The following TMEM108 variants were observed in gnomAD, a reference collection of about 807,000 sequenced individuals.
TMEM108 encodes cancer/testis antigen 124.
A neutral mutation model predicts 35.1 loss-of-function variants in TMEM108; 12 were observed. The ratio of observed to expected loss-of-function variants is 0.34; its 90% CI spans 0.22 to 0.55. The LOEUF (loss-of-function observed/expected upper bound fraction) is 0.55. TMEM108 is among the 20% of genes least tolerant of loss of function. The probability of loss-of-function intolerance (pLI) is 0.89; values close to 1 mark genes in which losing one functional copy is unlikely to be tolerated. For synonymous variants in TMEM108, 287 were observed against 308.6 expected, an observed-to-expected ratio of 0.93 and a Z score of 0.73; for missense variants, 680 against 753.3, an observed-to-expected ratio of 0.90 and a Z score of 1.14.
chr3:133,264,777 G>A (rs749200606), intron 3 of TMEM108, among the ~76,000 whole-genome samples: 4 of 152,166 alleles, frequency 2.6e-5, no homozygotes, highest in Non-Finnish European at 5.9e-5. Context: ...CAGTGATGAA[G>A]TTACCTACCC....
At position 133,397,605 on chromosome 3, in the gene TMEM108, G is replaced by C. The variant is rs2073323855; in HGVS notation, c.*1619G>C. Reference sequence around the variant, plus strand: ...ACTGTTACATTTAATATACCAATGTGTGTAAGTATACAGAGAAAAATCTGT... The same window carrying C: ...ACTGTTACATTTAATATACCAATGTCTGTAAGTATACAGAGAAAAATCTGT... On this transcript the variant is annotated 3_prime_UTR_variant, in exon 6 of 6. Transcript: ENST00000321871. The C allele has an allele frequency of 6.6e-6, 1 of 152,090 alleles. No individual in the cohort carries two copies. Among genetic ancestry groups the C allele is most frequent in the African/African-American group, 2.4e-5 (1 of 41,406 alleles). 9.4% of individuals were successfully genotyped at this position (152,090 alleles called of 1,614,324 possible). A position where few individuals can be genotyped will look rare whatever the true frequency, so the allele number is the denominator to read the frequency against.
intron 2 of TMEM108, among the ~76,000 whole-genome samples, chr3:133,092,990 GT>G (rs11293731): frequency 0.3 from 41,616 of 137,474 alleles, 6,726 homozygotes; most frequent in Non-Finnish European, 0.41. Context: ...TGTAGGTAAA[GT>G]TTTTTTTTTT....
intron 2 of TMEM108, among the ~76,000 whole-genome samples, chr3:133,164,656 A>G (rs1010267875): frequency 4.6e-5 from 7 of 152,200 alleles, no homozygotes; most frequent in African/African-American, 1.4e-4. Context: ...CACTGCTGAC[A>G]CAGTGGTGAC....
At chr3:133,321,632 G>A (rs1345195064) in intron 3 of TMEM108, among the ~76,000 whole-genome samples, 1 of 152,088 alleles carries the variant, frequency 6.6e-6, no homozygotes, top group Non-Finnish European at 1.5e-5. Flanking sequence ...AAGACACAAA[G>A]TCAACAAAGA....
intron 2 of TMEM108, among the ~76,000 whole-genome samples, chr3:133,200,037 A>G (rs1428394338): frequency 6.6e-6 from 1 of 152,158 alleles, no homozygotes; most frequent in Non-Finnish European, 1.5e-5. Context: ...GCAGTGAGTG[A>G]GGCTCCATGG....
At chr3:133,261,858 A>C (rs778527610) in intron 3 of TMEM108, among the ~76,000 whole-genome samples, 1 of 152,182 alleles carries the variant, frequency 6.6e-6, no homozygotes, top group Non-Finnish European at 1.5e-5. Context: ...TTAATATGTT[A>C]TAGTTAGCTC....
At chr3:133,112,382 A>G (rs1365105863) in intron 2 of TMEM108, among the ~76,000 whole-genome samples, 1 of 152,160 alleles carries the variant, frequency 6.6e-6, no homozygotes, top group African/African-American at 2.4e-5. Context: ...TTGTGAGTAC[A>G]ATTTTTACTG....
chr3:133,278,779 G>A (rs942692406), intron 3 of TMEM108, among the ~76,000 whole-genome samples: 1 of 152,162 alleles, frequency 6.6e-6, no homozygotes, highest in African/African-American at 2.4e-5. Flanking sequence ...TTGGTAAACT[G>A]TAAGGGGCTA....
chr3:133,136,185 T>A (rs1944562162), intron 2 of TMEM108, among the ~76,000 whole-genome samples: 2 of 152,206 alleles, frequency 1.3e-5, no homozygotes, highest in South Asian at 4.1e-4. Flanking sequence ...GCCTTCACTG[T>A]GTTTTGCAAA....
intron 3 of TMEM108, among the ~76,000 whole-genome samples, chr3:133,370,915 T>TGTGTGTGC (rs2072646369): frequency 7.4e-6 from 1 of 135,664 alleles, no homozygotes; most frequent in African/African-American, 3.0e-5. Flanking sequence ...TGTGTGTGTG[T>TGTGTGTGC]GTGTGTGCCA....
intron 3 of TMEM108, among the ~76,000 whole-genome samples, chr3:133,277,638 G>T (rs575781767): frequency 5.9e-5 from 9 of 152,146 alleles, no homozygotes; most frequent in African/African-American, 2.2e-4. Flanking sequence ...GCATTCCGCC[G>T]GGCACCGCAT....
intron 3 of TMEM108, among the ~76,000 whole-genome samples, chr3:133,320,641 A>G (rs549969321): frequency 6.6e-6 from 1 of 152,330 alleles, no homozygotes; most frequent in East Asian, 1.9e-4. Context: ...CTAGAAATCT[A>G]GACATCCAAA....
At chr3:133,122,427 C>A (rs1944363297) in intron 2 of TMEM108, among the ~76,000 whole-genome samples, 3 of 152,138 alleles carry the variant, frequency 2.0e-5, no homozygotes, top group Non-Finnish European at 4.4e-5. Flanking sequence ...GTTTTAAAGA[C>A]CCCTGTGTTA....
At chr3:133,050,826 T>C (rs1428101201) in intron 2 of TMEM108, among the ~76,000 whole-genome samples, 1 of 152,096 alleles carries the variant, frequency 6.6e-6, no homozygotes, top group Non-Finnish European at 1.5e-5. Context: ...TCTATGTCTT[T>C]CATGGTTTGA....
chr3:133,341,010 G>A (rs2071645612), intron 3 of TMEM108, among the ~76,000 whole-genome samples: 1 of 151,764 alleles, frequency 6.6e-6, no homozygotes, highest in Non-Finnish European at 1.5e-5. Flanking sequence ...AACACGGCAA[G>A]GATGCCCACT....
intron 2 of TMEM108, among the ~76,000 whole-genome samples, chr3:133,092,349 A>G (rs1943958801): frequency 6.6e-6 from 1 of 152,222 alleles, no homozygotes; most frequent in African/African-American, 2.4e-5. Context: ...TCCAGGGTCT[A>G]ATATTTTCTC....
At chr3:133,151,830 G>A (rs1944805618) in intron 2 of TMEM108, among the ~76,000 whole-genome samples, 1 of 152,004 alleles carries the variant, frequency 6.6e-6, no homozygotes. Flanking sequence ...ATTAAGTAGA[G>A]GTTTATTTGT....
chr3:133,174,674 A>T (rs1313015378), intron 2 of TMEM108, among the ~76,000 whole-genome samples: 2 of 152,208 alleles, frequency 1.3e-5, no homozygotes, highest in African/African-American at 2.4e-5. Flanking sequence ...AAAACCCATC[A>T]GTACATCACC....
At chr3:133,335,275 C>T (rs2071470265) in intron 3 of TMEM108, among the ~76,000 whole-genome samples, 1 of 151,932 alleles carries the variant, frequency 6.6e-6, no homozygotes, top group African/African-American at 2.4e-5. Context: ...ACTCAAATGA[C>T]ACAAAAGATT....
Sources: gnomAD v4.1 joint callset for allele counts (sites outside exome capture counted in the v4.1 genomes callset) on GRCh38, gnomAD v4.1.1 for gene constraint, MANE v1.5 for transcripts, NCBI Gene and HGNC (gene_info 2026-07-23, HGNC 2026-07-21) for gene names.